PHIP: variants seen among roughly 807,000 people sequenced by gnomAD.
PHIP encodes PHIP subunit of CUL4-Ring ligase complex.
In PHIP, 54 loss-of-function variants were observed where a neutral mutation model predicts 236.8. That is an observed-to-expected ratio of 0.23 (90% CI 0.18 to 0.29). The LOEUF (loss-of-function observed/expected upper bound fraction) is 0.29, where lower values mean the gene tolerates loss of function less well. Among genes scored for constraint, PHIP ranks in the 10% least tolerant of loss-of-function variants. PHIP has a pLI of 1.00. For synonymous variants in PHIP, 756 were observed against 718.9 expected (o/e 1.05, Z -0.83); for missense variants, 1,370 against 2,190.8 (o/e 0.63, Z 7.48).
At chr6:79,025,815 A>G (rs1771374732) in intron 8 of PHIP, 128 bp downstream of exon 8, 3 of 746,026 alleles carry the variant, frequency 4.0e-6, no homozygotes, top group Admixed American at 5.3e-5. Context: ...TTGGCCTTAT[A>G]TACTGGATTA....
chr6:78,950,468 A>G (rs1229599728), intron 35 of PHIP, among the ~76,000 whole-genome samples: 3 of 152,220 alleles, frequency 2.0e-5, no homozygotes, highest in Non-Finnish European at 4.4e-5. Context: ...GAAGCCATCC[A>G]GGACTAGACA....
At chr6:78,998,716 C>A (rs548312207) in intron 17 of PHIP, among the ~76,000 whole-genome samples, 2 of 152,028 alleles carry the variant, frequency 1.3e-5, no homozygotes, top group Non-Finnish European at 2.9e-5. Context: ...AATAACTGTT[C>A]GAAGTCACAT....
intron 15 of PHIP, among the ~76,000 whole-genome samples, chr6:79,009,199 T>C (rs1770448113): frequency 6.6e-6 from 1 of 152,112 alleles, no homozygotes; most frequent in Non-Finnish European, 1.5e-5. Flanking sequence ...TATGAGATCA[T>C]TTGAAGTCAC....
chr6:79,015,753 G>A lies in PHIP; in HGVS notation c.1266C>T (p.Ile422=), dbSNP rs1202751680. ...GQNLQGIEDK[I]TKMKVTMVAW... ...CTACCATAGTAACCTTCATTTTTGT[G>A]ATTTTATCTTCTATTCCTTGAAGGT... Residue 422 remains isoleucine, a synonymous_variant, in exon 14 of 40, where the codon ATC becomes ATT. Coordinates refer to ENST00000275034, the MANE Select transcript of PHIP (RefSeq NM_017934.7). 6.2e-7 allele frequency: 1 copy of A among 1,610,830 alleles called. No individual in the cohort carries two copies. The highest frequency in any genetic ancestry group is 8.5e-7 in the Non-Finnish European group (1 of 1,178,118).
In PHIP at chr6:79,061,883, A is replaced by G. The variant is rs148287956; in HGVS notation, c.190-1065T>C. ...TTAAATCATCTCATTCCATCTTGCA[A>G]TATCTGCTATACTCTTAACTGCAGA... On this transcript the variant is annotated intron_variant, in intron 4 of 39. Transcript: ENST00000275034. Among the ~76,000 whole-genome samples, 200 of 152,242 alleles carry G rather than the reference A, an allele frequency of 1.3e-3. 2 individuals carry two copies. The East Asian group carries it at 0.019, about 14-fold the overall frequency.
intron 4 of PHIP, among the ~76,000 whole-genome samples, chr6:79,065,897 CATAA>C: frequency 6.6e-6 from 1 of 151,808 alleles, no homozygotes; most frequent in East Asian, 1.9e-4. Context: ...TCATATTCTT[CATAA>C]ATATTAATCC....
In PHIP at chr6:79,001,880, TAAG is replaced by T. The variant is rs1329880882; in HGVS notation, c.1879+16_1879+18del. On this transcript the variant is annotated intron_variant, in intron 17 of 39. Transcript: ENST00000275034. ...GTGGGAAGAAGAAAATTTGATTGTC[TAAG>T]AAAATGAGCACCTACCTGAGGAAGT... is the stretch of plus-strand genomic sequence containing the variant. 1 of 1,524,166 alleles carries T rather than the reference TAAG, an allele frequency of 6.6e-7. No homozygotes were observed. The highest frequency in any genetic ancestry group is 9.1e-7 in the Non-Finnish European group (1 of 1,098,834). The allele number at this position is 1,524,166 out of a possible 1,614,324, so 94.4% of individuals were successfully genotyped here.
Position 79,042,830 on chromosome 6 carries a change from A to T in PHIP, c.600+13T>A, listed in dbSNP as rs759908774. 21 of 1,559,190 alleles carry T rather than the reference A, an allele frequency of 1.3e-5. No homozygotes were observed. The Admixed American group carries it at 3.8e-4, about 28-fold the overall frequency. ...CATATATGAATATAAATAATACTTT[A>T]GCAATTACTTACAGTAAATATCCGT... On this transcript the variant is annotated intron_variant, in intron 7 of 39. Transcript: ENST00000275034.
rs1358281142 is a variant in PHIP, at chr6:78,980,822, G to GA, written c.2769+2063dup. On this transcript the variant is annotated intron_variant, in intron 23 of 39. Transcript: ENST00000275034. ...TTCCTTTGACTAATAAAAAGGAAAAGAAAGACAGAAAAGTTTGAAAATCAT... is the reference window on the plus strand; with the variant it reads ...TTCCTTTGACTAATAAAAAGGAAAAGAAAAGACAGAAAAGTTTGAAAATCAT... 1.5e-4 allele frequency among the ~76,000 whole-genome samples: 23 copies of GA among 152,126 alleles called. No individual in the cohort carries two copies. In the East Asian group the frequency reaches 2.7e-3, roughly 18 times the overall value.
intron 19 of PHIP, among the ~76,000 whole-genome samples, chr6:78,992,816 A>G (rs1243679257): frequency 1.3e-5 from 2 of 152,148 alleles, no homozygotes; most frequent in Non-Finnish European, 2.9e-5. Context: ...AGACAGAACA[A>G]TATTAAAGTT....
At chr6:78,960,119 AAATTT>A in intron 31 of PHIP, among the ~76,000 whole-genome samples, 2 of 152,296 alleles carry the variant, frequency 1.3e-5, no homozygotes, top group South Asian at 4.1e-4. Flanking sequence ...TGAAAATTCA[AAATTT>A]GAAGTATGGT....
chr6:79,071,056 A>G (rs966762799), intron 4 of PHIP, among the ~76,000 whole-genome samples: 2 of 152,182 alleles, frequency 1.3e-5, no homozygotes, highest in African/African-American at 4.8e-5. Context: ...TAGTTTTAAT[A>G]TAAGAAGAAG....
At chr6:79,045,279 A>G (rs994406717) in intron 6 of PHIP, among the ~76,000 whole-genome samples, 1 of 152,154 alleles carries the variant, frequency 6.6e-6, no homozygotes, top group African/African-American at 2.4e-5. Flanking sequence ...GATTTAAAGG[A>G]GAAAATGTAA....
At chr6:78,992,012 A>C (rs931599414) in intron 19 of PHIP, among the ~76,000 whole-genome samples, 2 of 143,876 alleles carry the variant, frequency 1.4e-5, no homozygotes, top group Non-Finnish European at 3.0e-5. Context: ...CCCAGGCTGG[A>C]GTGCAGTGGC....
At chr6:78,991,657 A>C (rs188459909) in intron 19 of PHIP, among the ~76,000 whole-genome samples, 10 of 152,258 alleles carry the variant, frequency 6.6e-5, no homozygotes, top group African/African-American at 2.4e-4. Context: ...AGATTTTATA[A>C]TAAGAAGGTA....
rs1392623939 is a variant in PHIP, at chr6:79,042,840, T to C, written c.600+3A>G. The C allele has an allele frequency of 1.9e-6, 3 of 1,582,072 alleles. No individual in the cohort carries two copies. Among genetic ancestry groups the C allele is most frequent in the East Asian group, 4.5e-5 (2 of 44,012 alleles). ...TATAAATAATACTTTAGCAATTACT[T>C]ACAGTAAATATCCGTCTGCCAGTTC... On this transcript the variant is annotated splice_donor_region_variant and intron_variant, in intron 7 of 39. Transcript: ENST00000275034.
chr6:79,068,494 C>A (rs140163935), intron 4 of PHIP, among the ~76,000 whole-genome samples: 1 of 152,038 alleles, frequency 6.6e-6, no homozygotes, highest in African/African-American at 2.4e-5. Context: ...AAAAACCCCA[C>A]GAAATCTCAA....
chr6:79,069,807 A>C (rs1473000842), intron 4 of PHIP, among the ~76,000 whole-genome samples: 1 of 151,920 alleles, frequency 6.6e-6, no homozygotes. Flanking sequence ...TTAAGTGTAA[A>C]AATCTTGATG....
intron 6 of PHIP, among the ~76,000 whole-genome samples, chr6:79,045,725 T>G (rs1462130182): frequency 6.6e-6 from 1 of 152,156 alleles, no homozygotes; most frequent in Non-Finnish European, 1.5e-5. Context: ...AGAACATCAA[T>G]TTTTAAAATG....
Sources: allele counts gnomAD v4.1 joint callset (sites outside exome capture counted in the v4.1 genomes callset), GRCh38; gene constraint gnomAD v4.1.1; transcripts MANE v1.5; gene names NCBI Gene and HGNC (gene_info 2026-07-23, HGNC 2026-07-21).